UBXN2A: variants seen among roughly 807,000 people sequenced by gnomAD.
UBXN2A encodes the protein UBX domain protein 2A.
In UBXN2A, 28 loss-of-function variants were observed where a neutral mutation model predicts 28.4. The observed-to-expected ratio is 0.99, with a 90% CI of 0.73 to 1.35. The LOEUF is 1.35. Ranked by LOEUF, UBXN2A falls within the 40% of genes most tolerant of loss-of-function variation. UBXN2A has a pLI of 0.00. For missense variants in UBXN2A, 253 were observed against 297.9 expected (o/e 0.85, Z 1.11); for synonymous variants, 97 against 103.6 (o/e 0.94, Z 0.39).
rs1708682732 is a variant in UBXN2A at position 24,000,013 on chromosome 2, A to G, written c.*146A>G. On this transcript the variant is annotated 3_prime_UTR_variant, in exon 7 of 7. Transcript: ENST00000309033. Reference sequence around the variant, plus strand: ...TCTCTCCTGATGAGAAGATGTTTAGATAAGTACAAGTTAAGAAAGTAGCAT... The same window carrying G: ...TCTCTCCTGATGAGAAGATGTTTAGGTAAGTACAAGTTAAGAAAGTAGCAT... 1 of 734,214 alleles carries G rather than the reference A, an allele frequency of 1.4e-6. No homozygotes were observed. Among genetic ancestry groups the G allele is most frequent in the Non-Finnish European group, 2.2e-6 (1 of 455,906 alleles). The allele number at this position is 734,214 out of a possible 1,614,324, so 45.5% of individuals were successfully genotyped here. A position where few individuals can be genotyped will look rare whatever the true frequency, so the allele number is the denominator to read the frequency against.
chr2:23,965,272 C>T (rs548933193), intron 2 of UBXN2A, among the ~76,000 whole-genome samples: 10 of 152,232 alleles, frequency 6.6e-5, no homozygotes, highest in East Asian at 1.9e-4. Context: ...AATGGTGAGA[C>T]GCAGCATCCT....
At chr2:23,987,848 G>A (rs990576431) in intron 6 of UBXN2A, among the ~76,000 whole-genome samples, 1 of 151,584 alleles carries the variant, frequency 6.6e-6, no homozygotes, top group Non-Finnish European at 1.5e-5. Context: ...TCTTGGCCAG[G>A]TGCAGTGGCT....
chr2:23,954,867 C>T (rs1706539686), intron 1 of UBXN2A, among the ~76,000 whole-genome samples: 1 of 151,026 alleles, frequency 6.6e-6, no homozygotes, highest in African/African-American at 2.4e-5. Flanking sequence ...AAGTGATCTC[C>T]TGCCTCTCAG....
intron 6 of UBXN2A, among the ~76,000 whole-genome samples, chr2:23,991,699 T>C (rs1001412825): frequency 3.3e-5 from 5 of 152,166 alleles, no homozygotes; most frequent in African/African-American, 1.2e-4. Flanking sequence ...CTCGAACTGC[T>C]GATCTCAGGT....
intron 2 of UBXN2A, among the ~76,000 whole-genome samples, chr2:23,966,199 C>T (rs889245934): frequency 6.6e-5 from 10 of 151,846 alleles, no homozygotes; most frequent in Admixed American, 2.0e-4. Flanking sequence ...AGTGCAGTGC[C>T]GCGATCTTGA....
intron 6 of UBXN2A, among the ~76,000 whole-genome samples, chr2:23,995,198 T>C (rs1026535179): frequency 6.6e-6 from 1 of 152,148 alleles, no homozygotes; most frequent in Admixed American, 6.5e-5. Context: ...TTGTCTCTCC[T>C]TGGTGTAGTG....
chr2:23,934,072 T>C (rs1336585561), intron 1 of UBXN2A, among the ~76,000 whole-genome samples: 1 of 151,944 alleles, frequency 6.6e-6, no homozygotes, highest in East Asian at 1.9e-4. Flanking sequence ...AAAAATTAGC[T>C]GGGTGTGGTG....
chr2:23,989,639 A>G (rs1708272031), intron 6 of UBXN2A, among the ~76,000 whole-genome samples: 1 of 151,988 alleles, frequency 6.6e-6, no homozygotes, highest in Non-Finnish European at 1.5e-5. Context: ...GTGGTGGCTC[A>G]TACCTGTAAT....
chr2:23,991,430 CATAT>C (rs1178415311), intron 6 of UBXN2A, among the ~76,000 whole-genome samples: 1 of 147,058 alleles, frequency 6.8e-6, no homozygotes, highest in Non-Finnish European at 1.5e-5. Flanking sequence ...CACACACACA[CATAT>C]ACATATATAT....
intron 5 of UBXN2A, among the ~76,000 whole-genome samples, 183 bp downstream of exon 5, chr2:23,983,216 C>T (rs1267467598): frequency 1.3e-5 from 2 of 152,078 alleles, no homozygotes; most frequent in African/African-American, 4.8e-5. Context: ...TATATATTAA[C>T]AATGCCTGGC....
intron 2 of UBXN2A, 131 bp downstream of exon 2, chr2:23,958,486 A>C: frequency 2.6e-6 from 2 of 764,724 alleles, no homozygotes; most frequent in Non-Finnish European, 3.7e-6. Context: ...GTCATCTACT[A>C]TGTTGAAGTA....
chr2:23,929,982 A>G (rs1705320496), intron 1 of UBXN2A, among the ~76,000 whole-genome samples: 1 of 151,986 alleles, frequency 6.6e-6, no homozygotes, highest in Admixed American at 6.6e-5. Context: ...TCCGCCTCCC[A>G]GGTTCAAGCG....
At chr2:23,969,790 A>C (rs1486059037) in intron 2 of UBXN2A, among the ~76,000 whole-genome samples, 1 of 152,174 alleles carries the variant, frequency 6.6e-6, no homozygotes, top group East Asian at 1.9e-4. Flanking sequence ...ACTGCACTTC[A>C]TCCTGGGTGA....
At chr2:23,977,264 C>G in intron 4 of UBXN2A, 189 bp downstream of exon 4, 1 of 372,382 alleles carries the variant, frequency 2.7e-6, no homozygotes, top group South Asian at 4.7e-5. Context: ...GAGACTGAGG[C>G]TACAGTGAGC....
chr2:23,933,731 AAAACAAAAACAG>A (rs1705443767), intron 1 of UBXN2A, among the ~76,000 whole-genome samples: 1 of 151,822 alleles, frequency 6.6e-6, no homozygotes, highest in Non-Finnish European at 1.5e-5. Context: ...CAAAAGAAAA[AAAACAAAAACAG>A]AAACAAAAAA....
chr2:23,957,143 T>C (rs918439826), intron 1 of UBXN2A, among the ~76,000 whole-genome samples: 1 of 152,130 alleles, frequency 6.6e-6, no homozygotes. Context: ...GATCCATGAT[T>C]GGTTGAGCCT....
At chr2:23,947,635 A>T (rs886453779) in intron 1 of UBXN2A, among the ~76,000 whole-genome samples, 1 of 152,186 alleles carries the variant, frequency 6.6e-6, no homozygotes, top group African/African-American at 2.4e-5. Flanking sequence ...TGACTGCGGT[A>T]ATGGTGACTT....
chr2:23,971,613 G>T (rs554662413), intron 3 of UBXN2A, among the ~76,000 whole-genome samples, 199 bp downstream of exon 3: 2 of 151,878 alleles, frequency 1.3e-5, no homozygotes, highest in Non-Finnish European at 2.9e-5. Context: ...CTCAGCATTC[G>T]CAGGTAGCCC....
At chr2:23,986,613 C>CTTT (rs1240438686) in intron 6 of UBXN2A, among the ~76,000 whole-genome samples, 1 of 137,814 alleles carries the variant, frequency 7.3e-6, no homozygotes, top group African/African-American at 2.7e-5. Flanking sequence ...TTCCTAAAAG[C>CTTT]TTTTTTTTTT....
Sources: gnomAD v4.1 joint callset for allele counts (sites outside exome capture counted in the v4.1 genomes callset) on GRCh38, gnomAD v4.1.1 for gene constraint, MANE v1.5 for transcripts, NCBI Gene and HGNC (gene_info 2026-07-23, HGNC 2026-07-21) for gene names.